Variants in PPM1B observed in about 807,000 individuals in gnomAD.
PPM1B encodes the protein protein phosphatase, Mg2+/Mn2+ dependent 1B.
In PPM1B, 22 loss-of-function variants were observed where a neutral mutation model predicts 43.0. The observed-to-expected ratio is 0.51, with a 90% CI of 0.37 to 0.73. The LOEUF (loss-of-function observed/expected upper bound fraction) is 0.73. PPM1B is among the 30% of genes least tolerant of loss of function. The probability of loss-of-function intolerance (pLI) is 0.00; values close to 1 mark genes in which losing one functional copy is unlikely to be tolerated. For missense variants in PPM1B, 632 were observed against 584.2 expected, an observed-to-expected ratio of 1.08 and a Z score of -0.84; for synonymous variants, 217 against 197.9, an observed-to-expected ratio of 1.10 and a Z score of -0.81.
chr2:44,213,976 C>T (rs1234267273), intron 3 of PPM1B, among the ~76,000 whole-genome samples: 1 of 152,176 alleles, frequency 6.6e-6, no homozygotes, highest in Non-Finnish European at 1.5e-5. Context: ...TTAGGAAGAG[C>T]TCTCTAGTTT....
At chr2:44,238,260 G>A (rs1670670630), downstream of PPM1B, among the ~76,000 whole-genome samples, 1 of 151,870 alleles carries the variant, frequency 6.6e-6, no homozygotes, top group African/African-American at 2.4e-5. Flanking sequence ...GAGTACCATG[G>A]GGTTTATTTT....
intron 1 of PPM1B, among the ~76,000 whole-genome samples, chr2:44,170,591 A>T (rs1392728642): frequency 6.6e-6 from 1 of 152,212 alleles, no homozygotes; most frequent in Non-Finnish European, 1.5e-5. Flanking sequence ...GTTCTAGGAG[A>T]TGGAGAAACA....
chr2:44,189,551 C>T (rs988934497), intron 1 of PPM1B, among the ~76,000 whole-genome samples: 2 of 152,128 alleles, frequency 1.3e-5, no homozygotes, highest in African/African-American at 2.4e-5. Flanking sequence ...GCAACCTCTG[C>T]CTGCCAGGTT....
At chr2:44,196,020 A>G (rs1220272282) in intron 1 of PPM1B, among the ~76,000 whole-genome samples, 2 of 152,160 alleles carry the variant, frequency 1.3e-5, no homozygotes, top group African/African-American at 2.4e-5. Flanking sequence ...CCCAGCCAGT[A>G]TTTGTATGCA....
At chr2:44,176,961 G>T (rs532105629) in intron 1 of PPM1B, among the ~76,000 whole-genome samples, 4 of 152,050 alleles carry the variant, frequency 2.6e-5, no homozygotes, top group Admixed American at 6.6e-5. Context: ...TGTATTTTTC[G>T]TAGAGACGGG....
intron 4 of PPM1B, 90 bp downstream of exon 4, chr2:44,218,168 A>T (rs962953600): frequency 2.0e-5 from 19 of 958,572 alleles, no homozygotes; most frequent in Middle Eastern, 2.1e-4. Context: ...AAGTACATCA[A>T]TTATCTAGAG....
At chr2:44,195,504 C>T (rs1181048581) in intron 1 of PPM1B, among the ~76,000 whole-genome samples, 1 of 152,100 alleles carries the variant, frequency 6.6e-6, no homozygotes, top group Non-Finnish European at 1.5e-5. Flanking sequence ...AGCCACCATG[C>T]CCAGCCCAGA....
rs150956631 is a variant in PPM1B at position 44,190,447 on chromosome 2, C to T, written c.-14-10739C>T. Among the ~76,000 whole-genome samples, 36 of 152,302 alleles carry T rather than the reference C, an allele frequency of 2.4e-4. No individual in the cohort carries two copies. In the East Asian group the frequency reaches 6.4e-3, roughly 27 times the overall value. On this transcript the variant is annotated intron_variant, in intron 1 of 5. Transcript: ENST00000282412. ...GTGTTGGGATTACAGGCGTGAGCCA[C>T]TGTGCCTGGCCAAGTATATTTGATT...
intron 5 of PPM1B, among the ~76,000 whole-genome samples, chr2:44,219,568 A>G (rs1166625715): frequency 6.6e-5 from 10 of 152,210 alleles, no homozygotes; most frequent in Non-Finnish European, 2.9e-5. Flanking sequence ...GTGATGCTAT[A>G]TATTGCTAAT....
intron 5 of PPM1B, chr2:44,218,769 CT>C (rs2104224827): frequency 2.2e-6 from 1 of 458,232 alleles, no homozygotes; most frequent in Non-Finnish European, 4.0e-6. Context: ...ATCAAATGAC[CT>C]TTTTTGTTTG....
intron 3 of PPM1B, among the ~76,000 whole-genome samples, chr2:44,213,341 C>CTT (rs752341341): frequency 3.1e-5 from 4 of 128,624 alleles, no homozygotes; most frequent in Non-Finnish European, 5.1e-5. Context: ...TGTTTTGATT[C>CTT]TTTTTTTTTT....
chr2:44,188,452 A>G (rs533621574), intron 1 of PPM1B, among the ~76,000 whole-genome samples: 1 of 146,426 alleles, frequency 6.8e-6, no homozygotes, highest in African/African-American at 2.5e-5. Context: ...CTGGAATACA[A>G]CAGTACGATC....
chr2:44,221,600 A>C (rs552675164), intron 5 of PPM1B, among the ~76,000 whole-genome samples: 1 of 152,328 alleles, frequency 6.6e-6, no homozygotes, highest in Non-Finnish European at 1.5e-5. Context: ...TTAAATAACA[A>C]AAATTATTTT....
intron 5 of PPM1B, among the ~76,000 whole-genome samples, chr2:44,229,377 ATTTT>A (rs1380892348): frequency 1.3e-5 from 2 of 152,154 alleles, no homozygotes; most frequent in Non-Finnish European, 2.9e-5. Flanking sequence ...TGTAATTGTT[ATTTT>A]GAATCCCAGT....
At chr2:44,204,711 C>A (rs181462766) in intron 2 of PPM1B, among the ~76,000 whole-genome samples, 98 of 151,632 alleles carry the variant, frequency 6.5e-4, no homozygotes, top group African/African-American at 2.3e-3. Flanking sequence ...TAGAAAAAAT[C>A]GGCCGGGCGT....
chr2:44,217,068 G>A (rs114010925), intron 3 of PPM1B, among the ~76,000 whole-genome samples: 4 of 151,744 alleles, frequency 2.6e-5, no homozygotes, highest in East Asian at 3.9e-4. Context: ...GGAAGTCAAC[G>A]TAAGGGTCTT....
intron 3 of PPM1B, among the ~76,000 whole-genome samples, chr2:44,214,558 G>C (rs114938846): frequency 1.3e-5 from 2 of 152,066 alleles, no homozygotes; most frequent in African/African-American, 4.8e-5. Flanking sequence ...ATAAAGATAA[G>C]TGGAATTTAT....
chr2:44,196,725 A>G (rs1004478076), intron 1 of PPM1B, among the ~76,000 whole-genome samples: 2 of 152,166 alleles, frequency 1.3e-5, no homozygotes, highest in Non-Finnish European at 2.9e-5. Flanking sequence ...TGTTTGTACT[A>G]TGGGTTATAA....
chr2:44,239,896 G>GTTT lies in PPM1B; in HGVS notation n.1547-4322_1547-4320dup, dbSNP rs66631221. ...CTATTGTTTTTTTGTTTTTGTTTTTGTTTTTTTTTTTTGTCTAACCCTGTG... is the reference window on the plus strand; with the variant it reads ...CTATTGTTTTTTTGTTTTTGTTTTTGTTTTTTTTTTTTTTTGTCTAACCCTGTG... On this transcript the variant is annotated intron_variant and non_coding_transcript_variant, in intron 5 of 5. Transcript: ENST00000378540. Among the ~76,000 whole-genome samples the GTTT allele has an allele frequency of 5.7e-5, 8 of 140,296 alleles. No individual in the cohort carries two copies. The South Asian group carries it at 1.4e-3, about 24-fold the overall frequency. The allele number at this position is 140,296 out of a possible 152,430, so 92.0% of individuals were successfully genotyped here.
Sources: allele counts gnomAD v4.1 joint callset (sites outside exome capture counted in the v4.1 genomes callset), GRCh38; gene constraint gnomAD v4.1.1; transcripts MANE v1.5; gene names NCBI Gene and HGNC (gene_info 2026-07-23, HGNC 2026-07-21).